CEP135: variants seen among roughly 807,000 people sequenced by gnomAD.
CEP135 encodes centrosomal protein of 135 kDa.
A neutral mutation model predicts 157.3 loss-of-function variants in CEP135; 142 were observed. The ratio of observed to expected loss-of-function variants is 0.90; its 90% confidence interval spans 0.79 to 1.04. CEP135 has a LOEUF of 1.04. CEP135 is among the 50% of genes least tolerant of loss of function. The pLI, the probability that CEP135 is intolerant of heterozygous loss-of-function variation, is 0.00. For missense variants in CEP135, 1,317 were observed against 1,309.2 expected (o/e 1.01, Z -0.09); for synonymous variants, 396 against 439.8 (o/e 0.90, Z 1.25).
At chr4:55,961,101 CAAAAAAAAAAA>C (rs59483327) in intron 6 of CEP135, among the ~76,000 whole-genome samples, 1 of 70,000 alleles carries the variant, frequency 1.4e-5, no homozygotes, top group Non-Finnish European at 3.1e-5. Context: ...GACTCTGTCT[CAAAAAAAAAAA>C]AAAAAAAAGG....
Position 55,971,315 on chromosome 4 carries a change from C to T in CEP135, c.1156C>T (p.Leu386Phe), listed in dbSNP as rs1729019338. The T allele has an allele frequency of 6.2e-7, 1 of 1,604,886 alleles. No individual in the cohort carries two copies. The change falls in exon 10 of 26, where the codon CTC becomes TTC. Residue 386 changes from leucine to phenylalanine, a missense_variant. Physicochemically the swap from Leu to Phe is conservative, Grantham distance 22. Transcript: ENST00000257287. Reference sequence around the variant, plus strand: ...AGAAAAGGAGAGACTGAGTGATGAACTCCTTGTAAAATCAGACCTAGAAAC... The same window carrying T: ...AGAAAAGGAGAGACTGAGTGATGAATTCCTTGTAAAATCAGACCTAGAAAC... Reference protein sequence around the residue: ...QKEKERLSDELLVKSDLETVV... With the variant: ...QKEKERLSDEFLVKSDLETVV...
chr4:56,010,185 C>CA (rs199757368), intron 19 of CEP135, among the ~76,000 whole-genome samples: 2 of 111,934 alleles, frequency 1.8e-5, no homozygotes, highest in African/African-American at 6.3e-5. Flanking sequence ...ACCCCCCCCC[C>CA]ACCCCCATCT....
intron 10 of CEP135, among the ~76,000 whole-genome samples, chr4:55,974,200 C>T (rs1243636439): frequency 1.3e-5 from 2 of 152,104 alleles, no homozygotes; most frequent in Non-Finnish European, 2.9e-5. Context: ...AAAATCATTC[C>T]ATGCCTCAGA....
intron 24 of CEP135, 85 bp downstream of exon 24, chr4:56,020,865 TAAC>T (rs890566222): frequency 2.5e-5 from 25 of 994,538 alleles, no homozygotes; most frequent in African/African-American, 1.5e-4. Context: ...GCTTTACAAA[TAAC>T]AAACTTTTTA....
At position 55,980,289 on chromosome 4, in the gene CEP135, T is replaced by A; in HGVS notation, c.1620T>A (p.Tyr540Ter). The stretch of plus-strand genomic sequence containing the variant: ...AAAGAGATAAACTAAGTGTCTTATA[T>A]AATGAAGTAAGAAATGTATTATAAT... ...TAERDKLSVL[Y>*]NEAQEELSAL... Residue 540 changes from tyrosine to a stop codon, truncating the protein, a stop_gained, in exon 12 of 26, where the codon TAT becomes TAA. Coordinates refer to ENST00000257287, the MANE Select transcript of CEP135 (RefSeq NM_025009.5). LOFTEE classifies it high-confidence loss of function. The A allele has an allele frequency of 1.3e-6, 2 of 1,497,950 alleles. No homozygotes were observed. The highest frequency in any genetic ancestry group is 1.8e-6 in the Non-Finnish European group (2 of 1,084,800). The allele number at this position is 1,497,950 out of a possible 1,614,324, so 92.8% of individuals were successfully genotyped here.
At chr4:55,979,650 TAAAC>T (rs1430191362) in intron 11 of CEP135, among the ~76,000 whole-genome samples, 2 of 152,264 alleles carry the variant, frequency 1.3e-5, no homozygotes, top group Admixed American at 1.3e-4. Context: ...CTGGAGAAGA[TAAAC>T]TAACTAGTGG....
At chr4:56,007,040 C>T (rs189401643) in intron 17 of CEP135, among the ~76,000 whole-genome samples, 60 of 151,996 alleles carry the variant, frequency 3.9e-4, no homozygotes, top group African/African-American at 1.2e-3. Context: ...ATTACAGGCA[C>T]GCAACACCAC....
At chr4:55,993,014 G>A (rs574268640) in intron 15 of CEP135, among the ~76,000 whole-genome samples, 5 of 152,210 alleles carry the variant, frequency 3.3e-5, no homozygotes, top group African/African-American at 1.2e-4. Context: ...ATGTCAGCAA[G>A]ACATTACATC....
intron 5 of CEP135, among the ~76,000 whole-genome samples, chr4:55,959,082 C>T (rs1260008507): frequency 1.3e-5 from 2 of 151,798 alleles, no homozygotes; most frequent in African/African-American, 4.8e-5. Context: ...AAGGCCCTGT[C>T]TCAAAAAAGA....
At chr4:55,973,711 C>T (rs182364622) in intron 10 of CEP135, among the ~76,000 whole-genome samples, 51 of 152,208 alleles carry the variant, frequency 3.4e-4, no homozygotes, top group African/African-American at 1.1e-3. Context: ...TGCAGCCACT[C>T]GTTTCTTCTC....
In CEP135 at chr4:55,974,748, C is replaced by A; in HGVS notation, c.1252C>A (p.Arg418=). 3 of 1,608,640 alleles carry A rather than the reference C, an allele frequency of 1.9e-6. No homozygotes were observed. Among genetic ancestry groups the A allele is most frequent in the East Asian group, 2.2e-5 (1 of 44,774 alleles). Residue 418 remains arginine, a splice_region_variant and synonymous_variant, in exon 11 of 26, where the codon CGA becomes AGA. Coordinates refer to ENST00000257287, the MANE Select transcript of CEP135 (RefSeq NM_025009.5). ...KKVESFAVTE[R]QLTLEVERMR... ...GAGTTAACCACTTTAATTTACAGAA[C>A]GACAACTTACTCTGGAGGTTGAGAG...
In CEP135 at chr4:55,996,714, CT is replaced by C. The variant is rs750105795; in HGVS notation, c.2010-2574del. ...ACAGGGATACCACATCAGTCTCCGT[CT>C]TTTTTTTTTTTTTCTAATAGGCCAT... On this transcript the variant is annotated intron_variant, in intron 15 of 25. Transcript: ENST00000257287. Among the ~76,000 whole-genome samples the C allele has an allele frequency of 5.4e-3, 780 of 143,586 alleles. 4 individuals are homozygous for C. The highest frequency in any genetic ancestry group is 0.011 in the African/African-American group (421 of 39,542). The allele number at this position is 143,586 out of a possible 152,430, so 94.2% of individuals were successfully genotyped here. A position where few individuals can be genotyped will look rare whatever the true frequency, so the allele number is the denominator to read the frequency against.
intron 17 of CEP135, among the ~76,000 whole-genome samples, chr4:56,000,312 T>G (rs1730122664): frequency 6.6e-6 from 1 of 152,214 alleles, no homozygotes; most frequent in Non-Finnish European, 1.5e-5. Flanking sequence ...ATTGGGATAT[T>G]TATCACTTTA....
intron 1 of CEP135, among the ~76,000 whole-genome samples, chr4:55,950,619 TA>T (rs934115533): frequency 1.3e-5 from 2 of 150,522 alleles, no homozygotes; most frequent in African/African-American, 4.9e-5. Flanking sequence ...ACCCTGTCTC[TA>T]AAAAAGGTAA....
intron 14 of CEP135, among the ~76,000 whole-genome samples, chr4:55,991,374 T>A (rs1327402911): frequency 6.6e-6 from 1 of 151,792 alleles, no homozygotes; most frequent in Non-Finnish European, 1.5e-5. Flanking sequence ...TCCCCATTTT[T>A]AAAAAGCTTG....
chr4:55,992,029 A>G lies in CEP135; in HGVS notation c.1953A>G (p.Lys651=), dbSNP rs757595190. 11 of 1,610,926 alleles carry G rather than the reference A, an allele frequency of 6.8e-6. No individual in the cohort carries two copies. The highest frequency in any genetic ancestry group is 9.3e-6 in the Non-Finnish European group (11 of 1,179,164). ...ACAAATTAAAAGTCCAAGCTCAAAA[A>G]TTTAGCCATGTGGCTGGTGACTCAT... is the stretch of plus-strand genomic sequence containing the variant. ...LENKLKVQAQ[K]FSHVAGDSSH... The change falls in exon 15 of 26, where the codon AAA becomes AAG. Residue 651 remains lysine, a synonymous_variant. Transcript: ENST00000257287.
At chr4:55,988,531 G>A (rs1437559158) in intron 14 of CEP135, among the ~76,000 whole-genome samples, 5 of 152,080 alleles carry the variant, frequency 3.3e-5, no homozygotes, top group African/African-American at 4.8e-5. Flanking sequence ...GAGGTGGCAC[G>A]CGCCTGTAGT....
At chr4:55,959,115 G>A (rs1332026245) in intron 5 of CEP135, among the ~76,000 whole-genome samples, 1 of 152,228 alleles carries the variant, frequency 6.6e-6, no homozygotes, top group East Asian at 1.9e-4. Flanking sequence ...CCTGGCTTCA[G>A]GCTTTGTCTT....
chr4:55,988,987 A>G lies in CEP135; in HGVS notation c.1858-2947A>G, dbSNP rs1036231676. Among the ~76,000 whole-genome samples the G allele has an allele frequency of 2.0e-5, 3 of 151,870 alleles. No homozygotes were observed. The East Asian group carries it at 5.8e-4, about 29-fold the overall frequency. On this transcript the variant is annotated intron_variant, in intron 14 of 25. Transcript: ENST00000257287. ...TCTCGAAAAAAAAAAAAAACATAAT[A>G]AAACAACAGGGATTGGGAGAGACTG...
Sources: gnomAD v4.1 joint callset for allele counts (sites outside exome capture counted in the v4.1 genomes callset) on GRCh38, gnomAD v4.1.1 for gene constraint, MANE v1.5 for transcripts, NCBI Gene and HGNC (gene_info 2026-07-23, HGNC 2026-07-21) for gene names.